The following MCTP1 variants were observed in gnomAD, a reference collection of about 807,000 sequenced individuals.
The protein encoded by MCTP1 is multiple C2 and transmembrane domain-containing protein 1.
In MCTP1, 69 loss-of-function variants were observed where a neutral mutation model predicts 120.6. The observed-to-expected ratio is 0.57, with a 90% CI of 0.47 to 0.70. The LOEUF (loss-of-function observed/expected upper bound fraction) is 0.70, where lower values mean the gene tolerates loss of function less well. MCTP1 is among the 30% of genes least tolerant of loss of function. The pLI, the probability that MCTP1 is intolerant of heterozygous loss-of-function variation, is 0.00. For missense variants in MCTP1, 1,203 were observed against 1,248.8 expected, an observed-to-expected ratio of 0.96 and a Z score of 0.55; for synonymous variants, 529 against 493.1, an observed-to-expected ratio of 1.07 and a Z score of -0.96.
intron 1 of MCTP1, among the ~76,000 whole-genome samples, chr5:95,281,981 C>A (rs550505054): frequency 9.1e-4 from 139 of 152,330 alleles, no homozygotes; most frequent in African/African-American, 3.2e-3. Context: ...TACAAAACTT[C>A]TCTCTGTCAT....
chr5:94,859,648 CTT>C (rs1795370620), intron 17 of MCTP1, among the ~76,000 whole-genome samples: 2 of 151,678 alleles, frequency 1.3e-5, no homozygotes, highest in Non-Finnish European at 3.0e-5. Context: ...TACTGACACT[CTT>C]TAAGTTTTCA....
chr5:94,756,334 G>T (rs900978520), intron 19 of MCTP1, among the ~76,000 whole-genome samples: 8 of 152,192 alleles, frequency 5.3e-5, no homozygotes, highest in Admixed American at 3.3e-4. Context: ...GGCAGCAATT[G>T]TAAGATGTGT....
At chr5:94,910,132 G>A (rs1808064477) in intron 9 of MCTP1, among the ~76,000 whole-genome samples, 1 of 138,852 alleles carries the variant, frequency 7.2e-6, no homozygotes, top group South Asian at 2.3e-4. Flanking sequence ...ATGTATACAT[G>A]TATATATGTA....
At chr5:94,969,053 A>C (rs538256362) in intron 2 of MCTP1, among the ~76,000 whole-genome samples, 1 of 152,266 alleles carries the variant, frequency 6.6e-6, no homozygotes, top group South Asian at 2.1e-4. Context: ...CATGGTCTAA[A>C]AGTTCTAGAC....
Position 95,284,095 on chromosome 5 carries a change from A to G in MCTP1, c.481T>C (p.Ser161Pro). ...RSPDSAPSSSSASSSLSSSPQ... is the reference protein window; with the variant it reads ...RSPDSAPSSSPASSSLSSSPQ... ...GAGGAGGACAGGGAGGATGAGGCGG[A>G]GGAAGAGGAAGGAGCTGAGTCGGGG... is the stretch of plus-strand genomic sequence containing the variant. The change falls in exon 1 of 23, where the codon TCC (serine) becomes CCC (proline). Residue 161 changes from serine (S) to proline (P), a missense_variant. This residue lies in a region of MCTP1 where 463 missense variants were observed against 377.8 expected (regional missense o/e 1.23). Transcript: ENST00000515393. The surrounding 1 kb of genome is among the most constrained non-coding windows in gnomAD (Gnocchi z 5.2). The G allele has an allele frequency of 6.4e-7, 1 of 1,550,506 alleles. No individual in the cohort carries two copies. Among genetic ancestry groups the G allele is most frequent in the Non-Finnish European group, 8.7e-7 (1 of 1,146,894 alleles).
At chr5:95,278,087 G>GAA (rs557380256) in intron 1 of MCTP1, among the ~76,000 whole-genome samples, 9 of 126,248 alleles carry the variant, frequency 7.1e-5, no homozygotes, top group Non-Finnish European at 5.2e-5. Context: ...TATTCTGCCA[G>GAA]AAAAAAAAAA....
intron 18 of MCTP1, among the ~76,000 whole-genome samples, chr5:94,794,294 C>T (rs190504517): frequency 1.4e-4 from 22 of 152,300 alleles, no homozygotes; most frequent in East Asian, 1.9e-4. Flanking sequence ...AAATTATTCA[C>T]GAATATGAAG....
chr5:94,867,183 CA>C, intron 17 of MCTP1: 1 of 1,333,342 alleles, frequency 7.5e-7, no homozygotes, highest in Non-Finnish European at 9.7e-7. Flanking sequence ...GAAAGAGCTA[CA>C]AAAAGAATAC....
At chr5:94,954,915 C>T (rs1046904852) in intron 2 of MCTP1, among the ~76,000 whole-genome samples, 5 of 152,018 alleles carry the variant, frequency 3.3e-5, no homozygotes, top group Non-Finnish European at 7.4e-5. Context: ...TTGTATTATC[C>T]CTTGACACCT....
intron 1 of MCTP1, among the ~76,000 whole-genome samples, chr5:95,140,879 CAA>C (rs33910299): frequency 4.9e-3 from 223 of 45,308 alleles, no homozygotes; most frequent in African/African-American, 0.017. Flanking sequence ...GACTCCGTCT[CAA>C]AAAAAAAAAA....
chr5:95,009,942 A>G (rs1562011061), intron 2 of MCTP1, among the ~76,000 whole-genome samples: 1 of 152,206 alleles, frequency 6.6e-6, no homozygotes, highest in Non-Finnish European at 1.5e-5. Context: ...AGTGCCCGTT[A>G]CGTAGAAATG....
intron 2 of MCTP1, among the ~76,000 whole-genome samples, chr5:94,957,315 C>A (rs1384521759): frequency 6.6e-6 from 1 of 152,074 alleles, no homozygotes; most frequent in East Asian, 1.9e-4. Context: ...CAAAAACAAA[C>A]CGAGATGTAA....
intron 1 of MCTP1, among the ~76,000 whole-genome samples, chr5:95,281,940 A>T (rs558954491): frequency 6.6e-6 from 1 of 152,388 alleles, no homozygotes; most frequent in East Asian, 1.9e-4. Context: ...TAGCTGTCAT[A>T]ATGGAAAAAG....
chr5:95,173,441 G>GCC (rs1747588345), intron 1 of MCTP1, among the ~76,000 whole-genome samples: 1 of 152,070 alleles, frequency 6.6e-6, no homozygotes, highest in African/African-American at 2.4e-5. Context: ...TGCATCCTAG[G>GCC]ACTACAAGGA....
intron 1 of MCTP1, among the ~76,000 whole-genome samples, chr5:95,243,466 A>C (rs1756395364): frequency 6.6e-6 from 1 of 152,170 alleles, no homozygotes; most frequent in East Asian, 1.9e-4. Context: ...TGGAGCATAG[A>C]GTCTGAGGAA....
At chr5:95,194,590 G>A (rs1011986980) in intron 1 of MCTP1, among the ~76,000 whole-genome samples, 1 of 152,170 alleles carries the variant, frequency 6.6e-6, no homozygotes, top group Admixed American at 6.5e-5. Flanking sequence ...TTTGATGCAA[G>A]TATTCAGGTA....
intron 17 of MCTP1, among the ~76,000 whole-genome samples, chr5:94,831,735 T>C (rs1301034504): frequency 6.6e-6 from 1 of 152,210 alleles, no homozygotes; most frequent in Non-Finnish European, 1.5e-5. Flanking sequence ...TAAATTCAGC[T>C]TAACATGTTT....
At chr5:95,165,328 C>T (rs897644191) in intron 1 of MCTP1, among the ~76,000 whole-genome samples, 27 of 152,244 alleles carry the variant, frequency 1.8e-4, no homozygotes, top group Non-Finnish European at 3.5e-4. Context: ...AGATAAACCA[C>T]CAAATTTATT....
At chr5:95,020,536 C>G (rs1581876691) in intron 1 of MCTP1, among the ~76,000 whole-genome samples, 1 of 151,928 alleles carries the variant, frequency 6.6e-6, no homozygotes, top group African/African-American at 2.4e-5. Flanking sequence ...ATATTTCCTC[C>G]CAGTGTCATC....
Sources: gnomAD v4.1 joint callset for allele counts (sites outside exome capture counted in the v4.1 genomes callset) on GRCh38, gnomAD v4.1.1 for gene constraint, gnomAD v4.1.1 regional missense constraint, Gnocchi (gnomAD v3.1) non-coding constraint, MANE v1.5 for transcripts, NCBI Gene and HGNC (gene_info 2026-07-23, HGNC 2026-07-21) for gene names.